The following TNRC6B variants were observed in gnomAD, a reference collection of about 807,000 sequenced individuals.
The protein encoded by TNRC6B is trinucleotide repeat-containing gene 6B protein.
In TNRC6B, 52 loss-of-function variants were observed where a neutral mutation model predicts 203.6. The ratio of observed to expected loss-of-function variants is 0.26; its 90% CI spans 0.20 to 0.32. The LOEUF is 0.32. Among genes scored for constraint, TNRC6B ranks in the 10% least tolerant of loss-of-function variants. TNRC6B has a pLI of 1.00. For synonymous variants in TNRC6B, 838 were observed against 845.7 expected, an observed-to-expected ratio of 0.99 and a Z score of 0.16; for missense variants, 1,923 against 2,286.2, an observed-to-expected ratio of 0.84 and a Z score of 3.24.
At chr22:40,143,696 C>G (rs910549897) in intron 3 of TNRC6B, among the ~76,000 whole-genome samples, 34 of 152,118 alleles carry the variant, frequency 2.2e-4, no homozygotes, top group African/African-American at 5.8e-4. Context: ...CAGGGTTTCA[C>G]CGTGTTAGCC....
intron 1 of TNRC6B, among the ~76,000 whole-genome samples, chr22:40,094,431 G>A (rs542091627): frequency 6.6e-6 from 1 of 152,234 alleles, no homozygotes; most frequent in East Asian, 1.9e-4. Context: ...TATTTTGATA[G>A]CAGATACTCA....
upstream of TNRC6B, among the ~76,000 whole-genome samples, chr22:40,175,874 A>G (rs753667080): frequency 3.9e-5 from 6 of 152,214 alleles, no homozygotes; most frequent in Non-Finnish European, 7.3e-5. Context: ...TCCTGTCGTC[A>G]TATCTGAGTG....
At chr22:40,270,445 G>A (rs951541423) in intron 6 of TNRC6B, among the ~76,000 whole-genome samples, 165 bp downstream of exon 6, 29 of 151,222 alleles carry the variant, frequency 1.9e-4, no homozygotes, top group Non-Finnish European at 3.1e-4. Context: ...TCAGCCTCCC[G>A]AGTAGCTGGG....
At chr22:40,128,831 A>G (rs1408317316) in intron 3 of TNRC6B, among the ~76,000 whole-genome samples, 1 of 152,138 alleles carries the variant, frequency 6.6e-6, no homozygotes, top group Non-Finnish European at 1.5e-5. Flanking sequence ...CCTTCAATAA[A>G]TAATTATTAA....
rs759900425 is a variant in TNRC6B, at chr22:40,270,100, G to A, written c.2807-22G>A. The A allele has an allele frequency of 2.5e-6, 4 of 1,570,756 alleles. No homozygotes were observed. In the South Asian group the frequency reaches 3.5e-5, roughly 14 times the overall value. ...CATTTCATTTAACAAATGATTCTTA[G>A]AGACATTTCCTTTCTTTATAGTCTG... On this transcript the variant is annotated intron_variant, in intron 5 of 22. Transcript: ENST00000454349.
intron 1 of TNRC6B, among the ~76,000 whole-genome samples, chr22:40,068,307 G>A (rs2067914438): frequency 1.3e-5 from 2 of 151,918 alleles, no homozygotes; most frequent in African/African-American, 4.8e-5. Context: ...TACTTACGTG[G>A]TTTGTTCTTT....
chr22:40,257,544 C>G (rs2070299178), intron 3 of TNRC6B, among the ~76,000 whole-genome samples: 4 of 151,778 alleles, frequency 2.6e-5, no homozygotes, highest in Non-Finnish European at 2.9e-5. Context: ...TGGTGAAACC[C>G]CGTCTCTACT....
At chr22:40,126,777 G>A (rs9611270) in intron 3 of TNRC6B, among the ~76,000 whole-genome samples, 1 of 150,436 alleles carries the variant, frequency 6.6e-6, no homozygotes, top group Non-Finnish European at 1.5e-5. Flanking sequence ...TTTTTGTAGA[G>A]ACGGGGTCTC....
rs146648342 is a variant in TNRC6B, at chr22:40,282,945, A to G, written c.3582+1656A>G. 5.3e-3 allele frequency among the ~76,000 whole-genome samples: 807 copies of G among 152,290 alleles called. 9 individuals carry two copies. Among genetic ancestry groups the G allele is most frequent in the African/African-American group, 0.018 (736 of 41,556 alleles). On this transcript the variant is annotated intron_variant, in intron 11 of 22. Transcript: ENST00000454349. ...TTGTAAAAGCCTCTTGTACAACAGTAGAGCTTTAGTAATAGCCACACAAAC... is the reference window on the plus strand; with the variant it reads ...TTGTAAAAGCCTCTTGTACAACAGTGGAGCTTTAGTAATAGCCACACAAAC...
intron 1 of TNRC6B, among the ~76,000 whole-genome samples, chr22:40,212,312 T>TGC (rs918553839): frequency 6.6e-6 from 1 of 152,236 alleles, no homozygotes; most frequent in African/African-American, 2.4e-5. Flanking sequence ...CCCTGCCCAC[T>TGC]GCATCCCTTT....
chr22:40,244,255 G>A (rs901780805), intron 1 of TNRC6B, among the ~76,000 whole-genome samples: 2 of 152,160 alleles, frequency 1.3e-5, no homozygotes, highest in African/African-American at 4.8e-5. Context: ...TTCTCCGCGT[G>A]TTTCACACCT....
At chr22:40,072,975 A>G (rs1228491413) in intron 1 of TNRC6B, among the ~76,000 whole-genome samples, 2 of 151,658 alleles carry the variant, frequency 1.3e-5, no homozygotes, top group African/African-American at 4.8e-5. Context: ...TAATGAGGCT[A>G]TAAGATATTT....
At chr22:40,225,081 CA>C (rs775746064) in intron 1 of TNRC6B, among the ~76,000 whole-genome samples, 8 of 152,196 alleles carry the variant, frequency 5.3e-5, no homozygotes, top group Admixed American at 1.3e-4. Flanking sequence ...ATAATTTGCC[CA>C]AGCTCCTACC....
At chr22:40,091,405 G>A (rs2068149802) in intron 1 of TNRC6B, among the ~76,000 whole-genome samples, 2 of 151,772 alleles carry the variant, frequency 1.3e-5, no homozygotes, top group East Asian at 1.9e-4. Context: ...ACCACCATCG[G>A]GTACAGTTGG....
chr22:40,075,314 A>T (rs574058080), intron 1 of TNRC6B, among the ~76,000 whole-genome samples: 1 of 151,348 alleles, frequency 6.6e-6, no homozygotes, highest in East Asian at 1.9e-4. Context: ...AGCCTCTGTA[A>T]CTATGTGTAT....
chr22:40,162,752 T>C (rs746255520), intron 4 of TNRC6B, among the ~76,000 whole-genome samples: 2 of 152,218 alleles, frequency 1.3e-5, no homozygotes, highest in Non-Finnish European at 2.9e-5. Flanking sequence ...TATTACACAG[T>C]AGTAAGCTAG....
At chr22:40,304,672 G>A (rs932874010) in intron 15 of TNRC6B, among the ~76,000 whole-genome samples, 16 of 152,258 alleles carry the variant, frequency 1.1e-4, no homozygotes, top group Admixed American at 3.3e-4. Context: ...GTTGGTTACC[G>A]TGGATATCTG....
At position 40,315,560 on chromosome 22, in the gene TNRC6B, G is replaced by A. The variant is rs1030469487; in HGVS notation, c.4903+53G>A. 6 of 1,565,154 alleles carry A rather than the reference G, an allele frequency of 3.8e-6. No individual in the cohort carries two copies. The South Asian group carries it at 5.7e-5, about 15-fold the overall frequency. ...CATTGTTCATCCACAAGGGGCTTAT[G>A]TTAACACAGATGGTGAAGACACAAA... is the stretch of plus-strand genomic sequence containing the variant. On this transcript the variant is annotated intron_variant, in intron 20 of 22. Transcript: ENST00000454349.
intron 12 of TNRC6B, among the ~76,000 whole-genome samples, chr22:40,295,892 A>G (rs1459645418): frequency 6.6e-6 from 1 of 152,136 alleles, no homozygotes; most frequent in East Asian, 1.9e-4. Flanking sequence ...AAGAAGAAGG[A>G]CGTTCAAACC....
Sources: gnomAD v4.1 joint callset for allele counts (sites outside exome capture counted in the v4.1 genomes callset) on GRCh38, gnomAD v4.1.1 for gene constraint, MANE v1.5 for transcripts, NCBI Gene and HGNC (gene_info 2026-07-23, HGNC 2026-07-21) for gene names.